Variants in SOX6 observed in about 807,000 individuals in gnomAD.
SOX6 encodes the protein transcription factor SOX-6.
SOX6 carries 11 observed loss-of-function variants against 97.8 expected under a neutral mutation model. The ratio of observed to expected loss-of-function variants is 0.11; its 90% CI spans 0.07 to 0.19. The LOEUF is 0.19. SOX6 is among the 10% of genes least tolerant of loss of function. SOX6 has a pLI of 1.00. For missense variants in SOX6, 810 were observed against 1,039.5 expected, an observed-to-expected ratio of 0.78 and a Z score of 3.04; for synonymous variants, 360 against 371.4, an observed-to-expected ratio of 0.97 and a Z score of 0.35.
intron 13 of SOX6, among the ~76,000 whole-genome samples, chr11:16,014,675 T>G (rs1454104391): frequency 6.6e-6 from 1 of 152,102 alleles, no homozygotes; most frequent in Non-Finnish European, 1.5e-5. Flanking sequence ...TAGAGGATCC[T>G]TTTATTTTAA....
intron 3 of SOX6, among the ~76,000 whole-genome samples, chr11:16,657,026 T>C (rs1847725296): frequency 6.6e-6 from 1 of 152,224 alleles, no homozygotes; most frequent in African/African-American, 2.4e-5. Context: ...TTTCTATGTG[T>C]TTTCACACTG....
intron 1 of SOX6, among the ~76,000 whole-genome samples, chr11:16,458,824 T>C (rs1344518698): frequency 6.6e-6 from 1 of 152,014 alleles, no homozygotes; most frequent in Non-Finnish European, 1.5e-5. Flanking sequence ...CCTACAATTG[T>C]CCCAGCTTAC....
At chr11:16,604,877 A>C (rs1035002343) in intron 4 of SOX6, among the ~76,000 whole-genome samples, 5 of 152,220 alleles carry the variant, frequency 3.3e-5, no homozygotes, top group African/African-American at 4.8e-5. Flanking sequence ...TCTGCTCCGA[A>C]CACACCAATT....
At chr11:16,202,409 G>A (rs1249259924) in intron 4 of SOX6, among the ~76,000 whole-genome samples, 1 of 152,024 alleles carries the variant, frequency 6.6e-6, no homozygotes, top group Non-Finnish European at 1.5e-5. Flanking sequence ...CCAAATTTCT[G>A]AAATCTAGAT....
intron 1 of SOX6, among the ~76,000 whole-genome samples, chr11:16,426,138 C>T (rs1236599385): frequency 6.6e-6 from 1 of 150,672 alleles, no homozygotes; most frequent in Non-Finnish European, 1.5e-5. Flanking sequence ...CGCCTGTAAT[C>T]CCAGCTGCTC....
At chr11:16,569,802 G>A (rs1272736033) in intron 4 of SOX6, among the ~76,000 whole-genome samples, 1 of 145,886 alleles carries the variant, frequency 6.9e-6, no homozygotes, top group Non-Finnish European at 1.5e-5. Flanking sequence ...CCGGGAGGTG[G>A]GGCTTGCAGT....
intron 1 of SOX6, among the ~76,000 whole-genome samples, chr11:16,406,313 C>A (rs1342058839): frequency 2.0e-5 from 3 of 152,072 alleles, no homozygotes; most frequent in Non-Finnish European, 2.9e-5. Context: ...TATACAGCCA[C>A]AAGAATGCTA....
At chr11:16,388,775 A>G (rs1451251104) in intron 1 of SOX6, among the ~76,000 whole-genome samples, 1 of 152,146 alleles carries the variant, frequency 6.6e-6, no homozygotes, top group Non-Finnish European at 1.5e-5. Flanking sequence ...TCTTTACAAA[A>G]GAAAAACAAT....
chr11:16,228,291 C>T (rs1852743810), intron 4 of SOX6, among the ~76,000 whole-genome samples: 1 of 151,692 alleles, frequency 6.6e-6, no homozygotes, highest in African/African-American at 2.4e-5. Flanking sequence ...TTCTGTATTT[C>T]ATTTAAAGTT....
chr11:16,700,051 G>C (rs1848081635), intron 3 of SOX6, among the ~76,000 whole-genome samples: 1 of 151,740 alleles, frequency 6.6e-6, no homozygotes, highest in South Asian at 2.1e-4. Context: ...CAAATAATGT[G>C]AATAATCAGA....
intron 1 of SOX6, among the ~76,000 whole-genome samples, chr11:16,362,337 T>C (rs1039721209): frequency 6.6e-6 from 1 of 151,962 alleles, no homozygotes; most frequent in Non-Finnish European, 1.5e-5. Flanking sequence ...AATAAAAAAA[T>C]AAAGACCCTC....
chr11:16,699,197 A>C (rs991505670), intron 3 of SOX6, among the ~76,000 whole-genome samples: 5 of 152,230 alleles, frequency 3.3e-5, no homozygotes, highest in African/African-American at 1.2e-4. Context: ...TGTTTAGCAT[A>C]TATTTTCTCA....
At chr11:16,706,533 C>T (rs1235253481) in intron 3 of SOX6, among the ~76,000 whole-genome samples, 2 of 92,856 alleles carry the variant, frequency 2.2e-5, no homozygotes, top group African/African-American at 9.3e-5. Flanking sequence ...TAGTGTAAGA[C>T]GGTATTTTCT....
At chr11:16,008,334 G>A (rs561986656) in intron 13 of SOX6, among the ~76,000 whole-genome samples, 5 of 152,146 alleles carry the variant, frequency 3.3e-5, no homozygotes, top group African/African-American at 1.2e-4. Flanking sequence ...ATTCAGTAAT[G>A]ACATAGACAG....
intron 3 of SOX6, among the ~76,000 whole-genome samples, chr11:16,663,502 T>C (rs1847781989): frequency 6.6e-6 from 1 of 152,114 alleles, no homozygotes. Context: ...TTTGCATTTT[T>C]TGCAGATACG....
chr11:16,246,579 G>T (rs1302442786), intron 3 of SOX6, among the ~76,000 whole-genome samples: 4 of 151,716 alleles, frequency 2.6e-5, no homozygotes, highest in Admixed American at 6.6e-5. Flanking sequence ...TAACTGAATT[G>T]TTTCTGATGT....
At chr11:16,538,080 G>T (rs1285418868) in intron 4 of SOX6, among the ~76,000 whole-genome samples, 1 of 152,150 alleles carries the variant, frequency 6.6e-6, no homozygotes, top group Non-Finnish European at 1.5e-5. Flanking sequence ...CAGAGAGAAA[G>T]GTCGGGTTAC....
At chr11:16,342,042 A>G (rs1856653305) in intron 1 of SOX6, among the ~76,000 whole-genome samples, 1 of 152,048 alleles carries the variant, frequency 6.6e-6, no homozygotes, top group African/African-American at 2.4e-5. Flanking sequence ...TACCATGAAA[A>G]TAGTAAAATG....
chr11:16,107,899 T>A (rs2133990015), intron 7 of SOX6, among the ~76,000 whole-genome samples: 1 of 152,282 alleles, frequency 6.6e-6, no homozygotes, highest in Non-Finnish European at 1.5e-5. Context: ...AACACTCAGC[T>A]TTTGGGCCGC....
Sources: allele counts gnomAD v4.1 joint callset (sites outside exome capture counted in the v4.1 genomes callset), GRCh38; gene constraint gnomAD v4.1.1; transcripts MANE v1.5; gene names NCBI Gene and HGNC (gene_info 2026-07-23, HGNC 2026-07-21).